PSMD1: variants seen among roughly 807,000 people sequenced by gnomAD.
The protein encoded by PSMD1 is proteasome 26S subunit, non-ATPase 1.
A neutral mutation model predicts 119.0 loss-of-function variants in PSMD1; 18 were observed. The observed-to-expected ratio is 0.15, with a 90% confidence interval of 0.10 to 0.22. The LOEUF (loss-of-function observed/expected upper bound fraction) is 0.22. PSMD1 is among the 10% of genes least tolerant of loss of function. The pLI, the probability that PSMD1 is intolerant of heterozygous loss-of-function variation, is 1.00. For synonymous variants in PSMD1, 374 were observed against 396.6 expected (o/e 0.94, Z 0.68); for missense variants, 702 against 1,158.5 (o/e 0.61, Z 5.72).
At chr2:231,096,191 C>A (rs1401446216) in intron 16 of PSMD1, among the ~76,000 whole-genome samples, 6 of 152,190 alleles carry the variant, frequency 3.9e-5, no homozygotes, top group African/African-American at 1.4e-4. Flanking sequence ...CATTACCAGG[C>A]AGGCTAAGAG....
chr2:231,172,216 C>T (rs150245316), intron 24 of PSMD1, among the ~76,000 whole-genome samples: 2 of 152,312 alleles, frequency 1.3e-5, no homozygotes, highest in Non-Finnish European at 2.9e-5. Context: ...AGGTGACTCA[C>T]GTTAGCTCCC....
At chr2:231,120,212 A>G (rs866674806) in intron 16 of PSMD1, among the ~76,000 whole-genome samples, 4 of 152,124 alleles carry the variant, frequency 2.6e-5, no homozygotes, top group East Asian at 1.9e-4. Flanking sequence ...TCAGCCTCCT[A>G]AAGTGCTGGG....
intron 9 of PSMD1, among the ~76,000 whole-genome samples, 193 bp downstream of exon 9, chr2:231,077,355 T>C (rs7581564): frequency 0.018 from 2,717 of 152,276 alleles, 95 homozygotes; most frequent in African/African-American, 0.063. Context: ...TGAGCAATGA[T>C]TGAGCTCTTG....
rs1238832762 is a variant in PSMD1 at position 231,070,320 on chromosome 2, T to TGC, written c.654+153_654+154dup. On this transcript the variant is annotated intron_variant, in intron 6 of 24. Transcript: ENST00000308696. Reference sequence around the variant, plus strand: ...AGCAGCCCTGTGAAAATAAGGTATGTGCTTTATATTCCTTTTTATTAATAA... The same window carrying TGC: ...AGCAGCCCTGTGAAAATAAGGTATGTGCGCTTTATATTCCTTTTTATTAATAA... The TGC allele has an allele frequency of 4.7e-4, 273 of 582,444 alleles. 2 individuals are homozygous for TGC. Among genetic ancestry groups the TGC allele is most frequent in the Admixed American group, 2.2e-3 (49 of 22,662 alleles). 36.1% of individuals were successfully genotyped at this position (582,444 alleles called of 1,614,324 possible). A position where few individuals can be genotyped will look rare whatever the true frequency, so the allele number is the denominator to read the frequency against.
At chr2:231,143,757 A>G (rs1259722997) in intron 17 of PSMD1, among the ~76,000 whole-genome samples, 1 of 152,210 alleles carries the variant, frequency 6.6e-6, no homozygotes. Context: ...GAGATGATAT[A>G]TATACAGTAT....
intron 9 of PSMD1, 29 bp from the exon 10 acceptor site, chr2:231,078,630 A>G: frequency 1.3e-6 from 2 of 1,562,492 alleles, no homozygotes; most frequent in Non-Finnish European, 1.7e-6. Flanking sequence ...TTTGCCAGTG[A>G]TGAAACAATT....
chr2:231,080,099 A>G (rs757448191), intron 11 of PSMD1, 42 bp from the exon 12 acceptor site: 56 of 1,527,704 alleles, frequency 3.7e-5, no homozygotes, highest in Non-Finnish European at 4.9e-5. Context: ...TTTTCTTCTT[A>G]CTTTCTCTTT....
chr2:231,067,573 C>G (rs901798358), intron 5 of PSMD1, among the ~76,000 whole-genome samples: 1 of 152,190 alleles, frequency 6.6e-6, no homozygotes, highest in African/African-American at 2.4e-5. Context: ...AGCTAGCTCT[C>G]TGTACACTAG....
At chr2:231,087,265 T>C (rs1574718640) in intron 16 of PSMD1, 84 bp downstream of exon 16, 4 of 1,187,598 alleles carry the variant, frequency 3.4e-6, no homozygotes, top group South Asian at 2.6e-5. Context: ...CCAAACAGTT[T>C]AGTCACTAAA....
At chr2:231,088,665 C>T (rs1694512944) in intron 16 of PSMD1, among the ~76,000 whole-genome samples, 1 of 152,118 alleles carries the variant, frequency 6.6e-6, no homozygotes, top group Admixed American at 6.6e-5. Flanking sequence ...CTCCACACAC[C>T]GATCATTCCT....
At chr2:231,139,031 A>G in intron 17 of PSMD1, 181 bp downstream of exon 17, 1 of 688,940 alleles carries the variant, frequency 1.5e-6, no homozygotes, top group Non-Finnish European at 2.7e-6. Context: ...AAGCTGCTTA[A>G]GAATAAATCG....
intron 16 of PSMD1, among the ~76,000 whole-genome samples, chr2:231,110,909 T>C (rs774971051): frequency 6.6e-6 from 1 of 152,234 alleles, no homozygotes; most frequent in Non-Finnish European, 1.5e-5. Context: ...TTACCCTTTA[T>C]AGAAAAAGTT....
intron 19 of PSMD1, among the ~76,000 whole-genome samples, chr2:231,156,393 T>A (rs1559252742): frequency 6.6e-6 from 1 of 152,258 alleles, no homozygotes; most frequent in East Asian, 1.9e-4. Flanking sequence ...ACTCTTTATG[T>A]TGTACATTTT....
At chr2:231,135,353 G>A (rs537402629) in intron 16 of PSMD1, among the ~76,000 whole-genome samples, 3 of 152,186 alleles carry the variant, frequency 2.0e-5, no homozygotes, top group Non-Finnish European at 4.4e-5. Flanking sequence ...TTTAAATGCT[G>A]TAGAATTGTA....
intron 16 of PSMD1, chr2:231,123,442 A>G: frequency 6.2e-7 from 1 of 1,613,998 alleles, no homozygotes; most frequent in Non-Finnish European, 8.5e-7. Flanking sequence ...GGCAATTGGC[A>G]TCACAAACAA....
chr2:231,086,932 TAC>T (rs1491589504), intron 15 of PSMD1, among the ~76,000 whole-genome samples, 183 bp from the exon 16 acceptor site: 2 of 152,114 alleles, frequency 1.3e-5, no homozygotes, highest in African/African-American at 2.4e-5. Context: ...AAAATAAAAA[TAC>T]ATGTGTCTAT....
At chr2:231,141,080 G>T (rs1696096458) in intron 17 of PSMD1, among the ~76,000 whole-genome samples, 1 of 152,194 alleles carries the variant, frequency 6.6e-6, no homozygotes, top group Non-Finnish European at 1.5e-5. Context: ...TGCCGAGGCG[G>T]GCGGATCACC....
At chr2:231,166,309 G>C (rs1407794804) in intron 23 of PSMD1, among the ~76,000 whole-genome samples, 1 of 152,150 alleles carries the variant, frequency 6.6e-6, no homozygotes, top group Non-Finnish European at 1.5e-5. Flanking sequence ...CAAGCATACA[G>C]GATTTGAATC....
chr2:231,159,155 T>C (rs897838395), intron 19 of PSMD1, among the ~76,000 whole-genome samples: 4 of 152,142 alleles, frequency 2.6e-5, no homozygotes, highest in Non-Finnish European at 4.4e-5. Context: ...GGAATCCACA[T>C]TGGAATTCCA....
Sources: gnomAD v4.1 joint callset for allele counts (sites outside exome capture counted in the v4.1 genomes callset) on GRCh38, gnomAD v4.1.1 for gene constraint, MANE v1.5 for transcripts, NCBI Gene and HGNC (gene_info 2026-07-23, HGNC 2026-07-21) for gene names.